SUSD6: variants seen among roughly 807,000 people sequenced by gnomAD.
The protein encoded by SUSD6 is sushi domain containing 6.
Under a neutral mutation model 28.4 loss-of-function variants are expected in SUSD6, and 16 were observed. The observed-to-expected ratio is 0.56, with a 90% CI of 0.38 to 0.86. SUSD6 has a LOEUF of 0.86. Ranked by LOEUF, SUSD6 falls within the 40% of genes least tolerant of loss-of-function variation. The pLI, the probability that SUSD6 is intolerant of heterozygous loss-of-function variation, is 0.00. For missense variants in SUSD6, 341 were observed against 384.2 expected, an observed-to-expected ratio of 0.89 and a Z score of 0.94; for synonymous variants, 147 against 159.6, an observed-to-expected ratio of 0.92 and a Z score of 0.59.
At chr14:69,616,023 A>G (rs1368009088) in intron 1 of SUSD6, among the ~76,000 whole-genome samples, 1 of 152,134 alleles carries the variant, frequency 6.6e-6, no homozygotes, top group East Asian at 1.9e-4. Flanking sequence ...CAAGTGTTTT[A>G]TTTTATTTTA....
At chr14:69,625,557 C>T (rs538903343) in intron 1 of SUSD6, among the ~76,000 whole-genome samples, 10 of 152,200 alleles carry the variant, frequency 6.6e-5, no homozygotes, top group Non-Finnish European at 8.8e-5. Flanking sequence ...GCCAGGACTG[C>T]GGATGTGAAG....
In SUSD6 at chr14:69,713,334, G is replaced by A. The variant is rs1357758394; in HGVS notation, c.*2355G>A. On this transcript the variant is annotated 3_prime_UTR_variant, in exon 6 of 6. Transcript: ENST00000342745. ...GCTTGCCCACCTGGTAGGAAAGGAA[G>A]AAATTAGAACAATGGGAGCCTTGGC... 1.3e-5 allele frequency: 2 copies of A among 152,312 alleles called. No homozygotes were observed. Among genetic ancestry groups the A allele is most frequent in the Non-Finnish European group, 2.9e-5 (2 of 68,128 alleles). The allele number at this position is 152,312 out of a possible 1,614,324, so 9.4% of individuals were successfully genotyped here. A position where few individuals can be genotyped will look rare whatever the true frequency, so the allele number is the denominator to read the frequency against.
chr14:69,684,865 A>G (rs967666741), intron 2 of SUSD6, among the ~76,000 whole-genome samples: 1 of 152,210 alleles, frequency 6.6e-6, no homozygotes, highest in Non-Finnish European at 1.5e-5. Context: ...ACCTCAAGTT[A>G]CTCTCCTTAA....
intron 2 of SUSD6, among the ~76,000 whole-genome samples, chr14:69,687,426 A>C (rs901388218): frequency 1.3e-5 from 2 of 152,226 alleles, no homozygotes; most frequent in African/African-American, 4.8e-5. Context: ...TATGATTTTA[A>C]GCTGTCAGAT....
At chr14:69,668,103 C>G (rs1885771802) in intron 2 of SUSD6, among the ~76,000 whole-genome samples, 1 of 152,198 alleles carries the variant, frequency 6.6e-6, no homozygotes, top group Admixed American at 6.5e-5. Flanking sequence ...GGGCTTCCCA[C>G]TGAGTGATGG....
chr14:69,647,722 C>T (rs1311325544), intron 1 of SUSD6, among the ~76,000 whole-genome samples: 4 of 151,946 alleles, frequency 2.6e-5, no homozygotes, highest in Admixed American at 1.3e-4. Context: ...CAGTGGCTCA[C>T]GCCTGTAATC....
At chr14:69,637,552 G>A (rs1032850019) in intron 1 of SUSD6, among the ~76,000 whole-genome samples, 1 of 152,246 alleles carries the variant, frequency 6.6e-6, no homozygotes, top group African/African-American at 2.4e-5. Flanking sequence ...TGAGCTGTGT[G>A]TGGGTGCTGG....
intron 2 of SUSD6, among the ~76,000 whole-genome samples, chr14:69,670,981 G>C (rs562321570): frequency 2.0e-5 from 3 of 152,232 alleles, no homozygotes; most frequent in African/African-American, 7.2e-5. Flanking sequence ...TTCAGTAGCT[G>C]TAGTTTCAAA....
chr14:69,689,362 A>G (rs61130025), intron 2 of SUSD6, among the ~76,000 whole-genome samples: 2,229 of 152,306 alleles, frequency 0.015, 56 homozygotes, highest in African/African-American at 0.049. Flanking sequence ...TTGTTGAAAA[A>G]ATGAATGGCA....
At chr14:69,640,544 C>T (rs535838807) in intron 1 of SUSD6, among the ~76,000 whole-genome samples, 41 of 152,226 alleles carry the variant, frequency 2.7e-4, no homozygotes, top group African/African-American at 9.6e-4. Context: ...CACTCTGTTG[C>T]CCAGGTGGTT....
At chr14:69,648,878 G>T (rs1396520629) in intron 1 of SUSD6, among the ~76,000 whole-genome samples, 4 of 152,012 alleles carry the variant, frequency 2.6e-5, no homozygotes, top group African/African-American at 4.8e-5. Flanking sequence ...ACAAAATTAA[G>T]TTTTTTTTCC....
intron 1 of SUSD6, among the ~76,000 whole-genome samples, chr14:69,648,890 T>G (rs777786967): frequency 4.6e-4 from 70 of 152,236 alleles, no homozygotes; most frequent in Non-Finnish European, 9.9e-4. Flanking sequence ...TTTTTTTCCC[T>G]CCTCTCTCTG....
At chr14:69,639,956 G>GTTTTTTTGTT (rs1555343341) in intron 1 of SUSD6, among the ~76,000 whole-genome samples, 4 of 81,640 alleles carry the variant, frequency 4.9e-5, no homozygotes, top group African/African-American at 1.4e-4. Flanking sequence ...CACCTACACT[G>GTTTTTTTGTT]TTTTTTTTTT....
intron 4 of SUSD6, among the ~76,000 whole-genome samples, 171 bp from the exon 5 acceptor site, chr14:69,708,506 T>G (rs1348573574): frequency 6.6e-6 from 1 of 152,240 alleles, no homozygotes; most frequent in Non-Finnish European, 1.5e-5. Flanking sequence ...AATCCCTACC[T>G]GAAAGGGCTC....
chr14:69,626,851 TA>T (rs577855990), intron 1 of SUSD6, among the ~76,000 whole-genome samples: 7 of 144,944 alleles, frequency 4.8e-5, no homozygotes, highest in East Asian at 2.0e-4. Context: ...CCTGGCTAAT[TA>T]AAAAAAAAAA....
chr14:69,703,576 C>A lies in SUSD6; in HGVS notation c.303C>A (p.Ser101Arg). 6.2e-7 allele frequency: 1 copy of A among 1,614,180 alleles called. No individual in the cohort carries two copies. The highest frequency in any genetic ancestry group is 8.5e-7 in the Non-Finnish European group (1 of 1,180,006). ...AGTGGAAACCAGCCATGGAGATTAG[C>A]TGCCGTCTCAACGAGGGTCAGTCTG... ...NGEWKPAMEI[S>R]CRLNEDKDTH... The change falls in exon 3 of 6, where the codon AGC (serine) becomes AGA (arginine). Residue 101 changes from serine to arginine, a missense_variant. Ser to Arg is a moderately radical substitution (Grantham distance 110). Transcript: ENST00000342745.
At position 69,622,138 on chromosome 14, in the gene SUSD6, G is replaced by A. The variant is rs190851447; in HGVS notation, c.-81+10310G>A. Among the ~76,000 whole-genome samples, 132 of 152,006 alleles carry A rather than the reference G, an allele frequency of 8.7e-4. 1 individual carries two copies. The South Asian group carries it at 0.015, about 17-fold the overall frequency. ...TTTAACACTTAATTATACATTTTGA[G>A]TTGTTCTCCAGTGTTTTTTTGGCTT... On this transcript the variant is annotated intron_variant, in intron 1 of 5. Coordinates refer to ENST00000342745, the MANE Select transcript of SUSD6 (RefSeq NM_014734.4).
intron 1 of SUSD6, among the ~76,000 whole-genome samples, chr14:69,634,278 C>A (rs1041557185): frequency 2.0e-5 from 3 of 152,168 alleles, no homozygotes; most frequent in African/African-American, 7.2e-5. Context: ...GTAAGCAGAC[C>A]TGTCAGATTG....
intron 1 of SUSD6, among the ~76,000 whole-genome samples, chr14:69,612,413 A>C (rs1331418387): frequency 2.6e-5 from 4 of 152,182 alleles, no homozygotes; most frequent in African/African-American, 9.7e-5. Context: ...AACTCCCCGA[A>C]ACCAGCTATT....
Sources: allele counts gnomAD v4.1 joint callset (sites outside exome capture counted in the v4.1 genomes callset), GRCh38; gene constraint gnomAD v4.1.1; transcripts MANE v1.5; gene names NCBI Gene and HGNC (gene_info 2026-07-23, HGNC 2026-07-21).